Variants in KRABD3 observed in about 807,000 individuals in gnomAD.
The protein encoded by KRABD3 is KRAB domain containing 3, also known as KRAB domain-containing protein 3.
the KRABD3 span, chr7:149,721,247 C>A: frequency 8.6e-7 from 1 of 1,162,620 alleles, no homozygotes; most frequent in Non-Finnish European, 1.2e-6. Context: ...ATTCAGAGCC[C>A]AGTGATGACA....
At chr7:149,718,488 G>A in the KRABD3 span, among the ~76,000 whole-genome samples, 1 of 149,048 alleles carries the variant, frequency 6.7e-6, no homozygotes, top group Non-Finnish European at 1.5e-5. Context: ...AGTGTCTGAT[G>A]GCCACTTTAA....
chr7:149,727,464 C>G, the KRABD3 span, among the ~76,000 whole-genome samples: 1 of 152,180 alleles, frequency 6.6e-6, no homozygotes, highest in Non-Finnish European at 1.5e-5. Context: ...GAAAATGAAG[C>G]CTTCGGCACT....
chr7:149,721,845 C>G, the KRABD3 span: 1 of 554,508 alleles, frequency 1.8e-6, no homozygotes, highest in Middle Eastern at 2.7e-4. Flanking sequence ...CAGCATTGAC[C>G]TACCTGTGTG....
chr7:149,731,643 G>A, the KRABD3 span: 2 of 1,552,702 alleles, frequency 1.3e-6, no homozygotes, highest in East Asian at 4.6e-5. Context: ...TCGTCTCCCT[G>A]CCCCAAGGTC....
the KRABD3 span, chr7:149,721,520 A>T: frequency 6.2e-7 from 1 of 1,611,850 alleles, no homozygotes; most frequent in South Asian, 1.1e-5. Flanking sequence ...GGTCCAGGGA[A>T]GTCCTCTCCC....
chr7:149,719,171 G>A, the KRABD3 span, among the ~76,000 whole-genome samples: 1 of 152,226 alleles, frequency 6.6e-6, no homozygotes, highest in African/African-American at 2.4e-5. The surrounding 1 kb of genome is among the most constrained non-coding windows in gnomAD (Gnocchi z 5.6). Flanking sequence ...CATGACTGTA[G>A]TCTCTGCCTG....
At chr7:149,721,089 A>T in the KRABD3 span, 1 of 1,442,418 alleles carries the variant, frequency 6.9e-7, no homozygotes, top group Admixed American at 2.1e-5. Flanking sequence ...TTGCAGGCAC[A>T]GGCCGGGAGG....
the KRABD3 span, chr7:149,734,145 A>T: frequency 7.0e-7 from 1 of 1,434,432 alleles, no homozygotes; most frequent in Non-Finnish European, 9.3e-7. Context: ...CTCCCAGAGG[A>T]CGCCATCTCC....
At chr7:149,719,823 G>A in the KRABD3 span, among the ~76,000 whole-genome samples, 35 of 152,256 alleles carry the variant, frequency 2.3e-4, no homozygotes, top group African/African-American at 8.2e-4. The surrounding 1 kb of genome is among the most constrained non-coding windows in gnomAD (Gnocchi z 5.6). Flanking sequence ...TCCCGGGACC[G>A]GGTTCTAGGT....
At chr7:149,721,835 C>G in the KRABD3 span, 1 of 569,644 alleles carries the variant, frequency 1.8e-6, no homozygotes, top group Non-Finnish European at 3.3e-6. Context: ...CCACGGCCAG[C>G]AGCATTGACC....
chr7:149,728,684 G>A, the KRABD3 span: 10 of 1,612,442 alleles, frequency 6.2e-6, no homozygotes, highest in Admixed American at 1.7e-4. Flanking sequence ...AGGTAATAGT[G>A]GCTGCCGGGG....
the KRABD3 span, among the ~76,000 whole-genome samples, chr7:149,716,780 C>T: frequency 1.3e-5 from 2 of 152,232 alleles, no homozygotes; most frequent in African/African-American, 2.4e-5. Flanking sequence ...GACCTGCAAG[C>T]GGGCATTAGG....
chr7:149,729,642 C>T, the KRABD3 span: 43 of 985,326 alleles, frequency 4.4e-5, no homozygotes, highest in Non-Finnish European at 4.9e-5. Context: ...GGGCTCCCGC[C>T]GTCCACTGCT....
chr7:149,728,645 G>C, the KRABD3 span: 231 of 1,613,642 alleles, frequency 1.4e-4, 3 homozygotes, highest in East Asian at 4.6e-3. Flanking sequence ...GAGGAGAGCA[G>C]AGCCCAGGAA....
At chr7:149,726,255 T>A in the KRABD3 span, among the ~76,000 whole-genome samples, 1 of 152,176 alleles carries the variant, frequency 6.6e-6, no homozygotes, top group Non-Finnish European at 1.5e-5. Context: ...GGGCTCCGTT[T>A]TAGTGACTTG....
At chr7:149,721,039 T>A in the KRABD3 span, 1 of 1,598,438 alleles carries the variant, frequency 6.3e-7, no homozygotes, top group South Asian at 1.1e-5. Context: ...GCACTCCGCA[T>A]GATGAAGCAC....
At chr7:149,733,400 C>T in the KRABD3 span, 143 of 1,608,400 alleles carry the variant, frequency 8.9e-5, 1 homozygote, top group South Asian at 8.7e-4. Context: ...GAAGCTGGAT[C>T]GGCTCGCCAC....
chr7:149,719,919 A>C, the KRABD3 span: 1 of 1,420,184 alleles, frequency 7.0e-7, no homozygotes. This position sits in a 1 kb window ranked among gnomAD's most constrained non-coding sequence, Gnocchi z 5.6. Context: ...GAATGTGCAC[A>C]GACCTGCAGG....
the KRABD3 span, chr7:149,719,935 G>A: frequency 6.8e-7 from 1 of 1,466,118 alleles, no homozygotes; most frequent in Admixed American, 2.6e-5. This position sits in a 1 kb window ranked among gnomAD's most constrained non-coding sequence, Gnocchi z 5.6. Context: ...GCAGGGGCCT[G>A]GGCTGCTATG....
Sources: allele counts gnomAD v4.1 joint callset (sites outside exome capture counted in the v4.1 genomes callset), GRCh38; gene constraint gnomAD v4.1.1; non-coding constraint Gnocchi (gnomAD v3.1); transcripts MANE v1.5; gene names NCBI Gene and HGNC (gene_info 2026-07-23, HGNC 2026-07-21).